DNAH14: variants seen among roughly 807,000 people sequenced by gnomAD.
The protein encoded by DNAH14 is axonemal beta dynein heavy chain 14.
A neutral mutation model predicts 520.9 loss-of-function variants in DNAH14; 478 were observed. The observed-to-expected ratio is 0.92, with a 90% CI of 0.85 to 0.99. The LOEUF is 0.99. DNAH14 is among the 50% of genes least tolerant of loss of function. The pLI is 0.00. For synonymous variants in DNAH14, 1,581 were observed against 1,757.2 expected (o/e 0.90, Z 2.51); for missense variants, 4,831 against 5,234.5 (o/e 0.92, Z 2.38).
At chr1:224,957,342 G>T (rs984168533) in intron 3 of DNAH14, among the ~76,000 whole-genome samples, 2 of 152,088 alleles carry the variant, frequency 1.3e-5, no homozygotes, top group Non-Finnish European at 2.9e-5. Context: ...TGAATTTGGG[G>T]TACCTTTGAC....
intron 23 of DNAH14, among the ~76,000 whole-genome samples, chr1:225,110,902 G>A (rs1434579204): frequency 6.6e-6 from 1 of 151,930 alleles, no homozygotes; most frequent in African/African-American, 2.4e-5. Context: ...AGGAGCATAT[G>A]GTTTAAATTC....
chr1:225,170,182 C>A (rs1434923174), intron 36 of DNAH14, among the ~76,000 whole-genome samples: 2 of 152,196 alleles, frequency 1.3e-5, no homozygotes, highest in Admixed American at 1.3e-4. Context: ...ATTGCAAAGA[C>A]CGTTGAGGCT....
chr1:224,943,431 T>C (rs562197190), intron 1 of DNAH14, among the ~76,000 whole-genome samples: 3 of 152,142 alleles, frequency 2.0e-5, no homozygotes, highest in East Asian at 1.9e-4. Context: ...TTTGTTGATC[T>C]TTTCAAAAAA....
chr1:225,044,179 A>G (rs2067731377), intron 15 of DNAH14, among the ~76,000 whole-genome samples, 196 bp downstream of exon 15: 2 of 152,302 alleles, frequency 1.3e-5, no homozygotes, highest in Admixed American at 1.3e-4. Flanking sequence ...ATGGCCTTAG[A>G]GTGCATAAAA....
At chr1:224,955,227 T>C (rs1325314584) in intron 3 of DNAH14, 129 bp downstream of exon 3, 2 of 981,642 alleles carry the variant, frequency 2.0e-6, no homozygotes, top group Non-Finnish European at 1.5e-6. Flanking sequence ...TCTATTTTAC[T>C]AACTTCATTA....
At chr1:225,321,316 A>G (rs922724788) in intron 61 of DNAH14, among the ~76,000 whole-genome samples, 6 of 152,146 alleles carry the variant, frequency 3.9e-5, no homozygotes, top group Admixed American at 1.3e-4. Context: ...AAAAATAACT[A>G]TTGCCTACTG....
intron 7 of DNAH14, among the ~76,000 whole-genome samples, chr1:224,970,724 G>A (rs1408447616): frequency 6.6e-6 from 1 of 152,124 alleles, no homozygotes; most frequent in Non-Finnish European, 1.5e-5. Flanking sequence ...CCCCTGATAG[G>A]TTTTGCTGTC....
chr1:225,112,212 T>A (rs908710949), intron 23 of DNAH14, among the ~76,000 whole-genome samples: 2 of 152,190 alleles, frequency 1.3e-5, no homozygotes, highest in South Asian at 4.1e-4. Context: ...GTCCCCTTCC[T>A]ATTCGAAGGA....
At chr1:225,145,865 T>G (rs544674406) in intron 30 of DNAH14, among the ~76,000 whole-genome samples, 62 of 152,220 alleles carry the variant, frequency 4.1e-4, no homozygotes, top group Non-Finnish European at 5.6e-4. Context: ...GACATAACAT[T>G]CTGAAATATG....
intron 15 of DNAH14, among the ~76,000 whole-genome samples, chr1:225,046,067 A>G (rs1038735310): frequency 6.6e-6 from 1 of 151,714 alleles, no homozygotes; most frequent in African/African-American, 2.4e-5. Flanking sequence ...TCATTTATTT[A>G]TATGAATATG....
intron 8 of DNAH14, among the ~76,000 whole-genome samples, chr1:224,992,680 T>C (rs2063139044): frequency 6.6e-6 from 1 of 152,130 alleles, no homozygotes; most frequent in Non-Finnish European, 1.5e-5. Flanking sequence ...TTTTTCTTTC[T>C]TATTAGGATG....
chr1:224,975,173 T>C (rs1377288248), intron 8 of DNAH14, among the ~76,000 whole-genome samples: 2 of 151,814 alleles, frequency 1.3e-5, no homozygotes, highest in African/African-American at 4.8e-5. Context: ...TCAAGGATAT[T>C]GGTCTGAAAT....
intron 42 of DNAH14, among the ~76,000 whole-genome samples, chr1:225,236,449 A>T (rs2091582933): frequency 1.3e-5 from 2 of 152,212 alleles, no homozygotes; most frequent in South Asian, 4.1e-4. Context: ...TGATTATGTG[A>T]TCAATTTTAG....
At chr1:225,176,050 G>A (rs12028313) in intron 36 of DNAH14, among the ~76,000 whole-genome samples, 36,661 of 151,966 alleles carry the variant, frequency 0.24, 5,397 homozygotes, top group Non-Finnish European at 0.32. Flanking sequence ...CACCACACCC[G>A]GCCAAACTTC....
At chr1:225,090,424 A>G (rs188026060) in intron 21 of DNAH14, among the ~76,000 whole-genome samples, 1 of 152,306 alleles carries the variant, frequency 6.6e-6, no homozygotes, top group Non-Finnish European at 1.5e-5. Flanking sequence ...GTCCTAGAAT[A>G]GTGTAAACAA....
At chr1:224,975,042 A>G (rs1486075050) in intron 8 of DNAH14, among the ~76,000 whole-genome samples, 2 of 152,060 alleles carry the variant, frequency 1.3e-5, no homozygotes, top group African/African-American at 2.4e-5. Context: ...TGATTTGTGT[A>G]TATTGAACCA....
In DNAH14 at chr1:225,051,732, C is replaced by T. The variant is rs559037153; in HGVS notation, c.2361C>T (p.Val787=). Residue 787 remains valine (V), a synonymous_variant, in exon 17 of 86, where the codon GTC becomes GTT. Transcript: ENST00000682510. ...AATGCTTACTGTATATTGACAACGT[C>T]ATACATATGAGCCACACCCTCATAC... The part of the protein sequence containing the change: ...QSECLLYIDN[V]IHMSHTLIQS... 2.6e-6 allele frequency: 4 copies of T among 1,549,894 alleles called. No individual in the cohort carries two copies. Among genetic ancestry groups the T allele is most frequent in the South Asian group, 2.4e-5 (2 of 83,686 alleles).
Position 225,043,975 on chromosome 1 carries a change from A to G in DNAH14, c.1904A>G (p.Lys635Arg), listed in dbSNP as rs1350512263. 6.7e-7 allele frequency: 1 copy of G among 1,481,830 alleles called. No homozygotes were observed. The highest frequency in any genetic ancestry group is 9.2e-7 in the Non-Finnish European group (1 of 1,092,836). 91.8% of individuals were successfully genotyped at this position (1,481,830 alleles called of 1,614,324 possible). Reference sequence around the variant, plus strand: ...CAAAATATGTTGACTAATATGGAAAAATGTATAAGTAAGTGTTTTTAAAGC... The same window carrying G: ...CAAAATATGTTGACTAATATGGAAAGATGTATAAGTAAGTGTTTTTAAAGC... ...KIQNMLTNME[K>R]CITTITPLCQ... Residue 635 changes from lysine (K) to arginine (R), a missense_variant, in exon 15 of 86, where the codon AAA (lysine) becomes AGA (arginine). Coordinates refer to ENST00000682510, the MANE Select transcript of DNAH14 (RefSeq NM_001367479.1).
chr1:225,139,653 G>C (rs1038614484), intron 27 of DNAH14, among the ~76,000 whole-genome samples: 2 of 152,168 alleles, frequency 1.3e-5, no homozygotes, highest in African/African-American at 4.8e-5. Context: ...ATAACAAACA[G>C]TAATTAAAAA....
Sources: gnomAD v4.1 joint callset for allele counts (sites outside exome capture counted in the v4.1 genomes callset) on GRCh38, gnomAD v4.1.1 for gene constraint, MANE v1.5 for transcripts, NCBI Gene and HGNC (gene_info 2026-07-23, HGNC 2026-07-21) for gene names.